The following COL24A1 variants were observed in gnomAD, a reference collection of about 807,000 sequenced individuals.
COL24A1 encodes the protein collagen alpha-1(XXIV) chain.
In COL24A1, 224 loss-of-function variants were observed where a neutral mutation model predicts 253.9. The observed-to-expected ratio is 0.88, with a 90% confidence interval of 0.79 to 0.99. The LOEUF (loss-of-function observed/expected upper bound fraction) is 0.99. Among genes scored for constraint, COL24A1 ranks in the 50% least tolerant of loss-of-function variants. The probability of loss-of-function intolerance (pLI) is 0.00; values close to 1 mark genes in which losing one functional copy is unlikely to be tolerated. For synonymous variants in COL24A1, 685 were observed against 673.7 expected (o/e 1.02, Z -0.26); for missense variants, 2,131 against 2,068.5 (o/e 1.03, Z -0.59).
At chr1:86,141,492 C>A (rs777862154) in intron 2 of COL24A1, among the ~76,000 whole-genome samples, 8 of 152,130 alleles carry the variant, frequency 5.3e-5, no homozygotes, top group Non-Finnish European at 7.4e-5. Context: ...AACCCAAGAA[C>A]CTCTTTATAT....
chr1:85,997,996 T>C (rs895873513), intron 19 of COL24A1, among the ~76,000 whole-genome samples: 3 of 152,190 alleles, frequency 2.0e-5, no homozygotes, highest in African/African-American at 7.2e-5. Flanking sequence ...CTTGGTTATA[T>C]TCATCAAGTT....
Position 85,952,750 on chromosome 1 carries a change from C to T in COL24A1, c.2562+8499G>A, listed in dbSNP as rs190951684. ...CTGCTTTCATACTACAACAGTTGAG[C>T]AGCTATGATAAAGACCGTATGGCCT... On this transcript the variant is annotated intron_variant, in intron 24 of 59. Transcript: ENST00000370571. 2.6e-3 allele frequency among the ~76,000 whole-genome samples: 402 copies of T among 152,282 alleles called. 11 individuals carry two copies. In the South Asian group the frequency reaches 0.052, roughly 20 times the overall value.
Position 86,045,238 on chromosome 1 carries a change from A to C in COL24A1, c.1950+1587T>G, listed in dbSNP as rs187755227. Among the ~76,000 whole-genome samples the C allele has an allele frequency of 2.5e-3, 373 of 152,030 alleles. 10 individuals carry two copies. The East Asian group carries it at 0.046, about 19-fold the overall frequency. On this transcript the variant is annotated intron_variant, in intron 12 of 59. Coordinates refer to ENST00000370571, the MANE Select transcript of COL24A1 (RefSeq NM_152890.7). ...CACCTGACCTCAACTGATCTGCCCG[A>C]CTCGGCCTCCCAAAGTGCTGGGATT...
intron 4 of COL24A1, among the ~76,000 whole-genome samples, chr1:86,113,327 C>A (rs1191502716): frequency 6.6e-6 from 1 of 152,164 alleles, no homozygotes; most frequent in Non-Finnish European, 1.5e-5. Flanking sequence ...TCCAAGAAAG[C>A]CTTCCATGTC....
chr1:86,126,066 G>C lies in COL24A1; in HGVS notation c.270C>G (p.Ile90Met), dbSNP rs1008596400. The stretch of plus-strand genomic sequence containing the variant: ...GTAAAATTTTCACGAAAGGTGTCTC[G>C]ATATAAGCATCATTTTTAAAAATGA... ...SGVIFKNDAY[I>M]ETPFVKILPV... is the part of the protein sequence containing the mutation. The change falls in exon 3 of 60, where the codon ATC (isoleucine) becomes ATG (methionine). Residue 90 changes from isoleucine to methionine, a missense_variant. Transcript: ENST00000370571. The C allele has an allele frequency of 6.2e-7, 1 of 1,613,380 alleles. No individual in the cohort carries two copies. Among genetic ancestry groups the C allele is most frequent in the African/African-American group, 1.3e-5 (1 of 74,834 alleles).
At chr1:85,847,289 A>T (rs1677234846) in intron 39 of COL24A1, among the ~76,000 whole-genome samples, 1 of 152,232 alleles carries the variant, frequency 6.6e-6, no homozygotes, top group African/African-American at 2.4e-5. Flanking sequence ...ATCCATTTCA[A>T]GTAAACCTAA....
intron 32 of COL24A1, among the ~76,000 whole-genome samples, chr1:85,881,107 T>C (rs1255708066): frequency 1.3e-5 from 2 of 152,226 alleles, no homozygotes; most frequent in African/African-American, 2.4e-5. Flanking sequence ...TTGTACATAA[T>C]TGGTATCATA....
At chr1:85,807,797 A>ACTCCTCC (rs1672138297) in intron 47 of COL24A1, among the ~76,000 whole-genome samples, 3 of 152,154 alleles carry the variant, frequency 2.0e-5, no homozygotes, top group Non-Finnish European at 4.4e-5. Context: ...CTTGAGAGAG[A>ACTCCTCC]CCTATGGTCA....
At chr1:86,116,945 T>C (rs769610399) in intron 3 of COL24A1, among the ~76,000 whole-genome samples, 1 of 152,180 alleles carries the variant, frequency 6.6e-6, no homozygotes, top group African/African-American at 2.4e-5. Flanking sequence ...ATTTTACTCA[T>C]TGTCAAGAAA....
At chr1:85,831,759 C>T (rs6661124) in intron 43 of COL24A1, among the ~76,000 whole-genome samples, 9,244 of 151,912 alleles carry the variant, frequency 0.061, 973 homozygotes, top group African/African-American at 0.21. Flanking sequence ...GAGGCAATAG[C>T]ATGGGAAATA....
At chr1:85,886,412 T>C (rs1682499263) in intron 32 of COL24A1, among the ~76,000 whole-genome samples, 1 of 150,252 alleles carries the variant, frequency 6.7e-6, no homozygotes, top group South Asian at 2.3e-4. Flanking sequence ...ACACCTGTAA[T>C]CCCAGCACTT....
intron 31 of COL24A1, among the ~76,000 whole-genome samples, chr1:85,894,097 G>A (rs1683408240): frequency 6.6e-6 from 1 of 152,230 alleles, no homozygotes; most frequent in Non-Finnish European, 1.5e-5. Flanking sequence ...GAAGGATCAA[G>A]TGAACCTTTG....
intron 24 of COL24A1, among the ~76,000 whole-genome samples, chr1:85,949,818 A>G (rs189023714): frequency 6.6e-6 from 1 of 152,254 alleles, no homozygotes; most frequent in Non-Finnish European, 1.5e-5. Context: ...ATACAATGTT[A>G]ATGACTGTAG....
chr1:86,001,079 T>TGCC (rs57988681), intron 19 of COL24A1, among the ~76,000 whole-genome samples: 1,564 of 152,322 alleles, frequency 0.01, 37 homozygotes, highest in African/African-American at 0.035. Context: ...AAGTGATGTT[T>TGCC]TATCTTGGAA....
chr1:85,917,865 CAGCTAA>C (rs918788873), intron 24 of COL24A1, among the ~76,000 whole-genome samples: 1 of 151,972 alleles, frequency 6.6e-6, no homozygotes, highest in African/African-American at 2.4e-5. Flanking sequence ...CCACGACGCC[CAGCTAA>C]TTTTTTTGTA....
At chr1:85,999,224 G>T (rs528933171) in intron 19 of COL24A1, among the ~76,000 whole-genome samples, 1 of 152,154 alleles carries the variant, frequency 6.6e-6, no homozygotes, top group Non-Finnish European at 1.5e-5. Context: ...AGGAGGTACT[G>T]GGAGAGACAG....
chr1:86,063,730 T>C lies in COL24A1; in HGVS notation c.1737A>G (p.Gly579=). 1 of 1,552,754 alleles carries C rather than the reference T, an allele frequency of 6.4e-7. No individual in the cohort carries two copies. The highest frequency in any genetic ancestry group is 8.7e-7 in the Non-Finnish European group (1 of 1,149,018). Residue 579 remains glycine (G), a synonymous_variant, in exon 8 of 60, where the codon GGA becomes GGG. Coordinates refer to ENST00000370571, the MANE Select transcript of COL24A1 (RefSeq NM_152890.7). ...KGLKGHPGLP[G]LPGEQGIPGF... ...AAGTACCTACTTGTTCACCTGGAAG[T>C]CCTGGGAGTCCAGGATGTCCTTTGA...
chr1:85,892,380 A>G (rs1683224895), intron 31 of COL24A1, among the ~76,000 whole-genome samples: 2 of 152,224 alleles, frequency 1.3e-5, no homozygotes, highest in South Asian at 4.1e-4. Context: ...GTGAAAGTAT[A>G]CTTCAAAAGT....
In COL24A1 at chr1:85,823,621, T is replaced by A. The variant is rs754306663; in HGVS notation, c.3736-32A>T. Reference sequence around the variant, plus strand: ...TAGAAACCAAAATAAAAATCACATATGAAGCAGAGACCAAATAAGTTATAT... The same window carrying A: ...TAGAAACCAAAATAAAAATCACATAAGAAGCAGAGACCAAATAAGTTATAT... On this transcript the variant is annotated intron_variant, in intron 44 of 59. Coordinates refer to ENST00000370571, the MANE Select transcript of COL24A1 (RefSeq NM_152890.7). 3 of 1,613,574 alleles carry A rather than the reference T, an allele frequency of 1.9e-6. No homozygotes were observed. The South Asian group carries it at 3.3e-5, about 18-fold the overall frequency.
Sources: gnomAD v4.1 joint callset for allele counts (sites outside exome capture counted in the v4.1 genomes callset) on GRCh38, gnomAD v4.1.1 for gene constraint, MANE v1.5 for transcripts, NCBI Gene and HGNC (gene_info 2026-07-23, HGNC 2026-07-21) for gene names.